Variants in IGF2BP1 observed in about 807,000 individuals in gnomAD.
The protein encoded by IGF2BP1 is insulin like growth factor 2 mRNA binding protein 1.
A neutral mutation model predicts 74.9 loss-of-function variants in IGF2BP1; 11 were observed. That is an observed-to-expected ratio of 0.15 (90% CI 0.09 to 0.24). The LOEUF (loss-of-function observed/expected upper bound fraction) is 0.24. IGF2BP1 is among the 10% of genes least tolerant of loss of function. The probability of loss-of-function intolerance (pLI) is 1.00; values close to 1 mark genes in which losing one functional copy is unlikely to be tolerated. For synonymous variants in IGF2BP1, 287 were observed against 281.8 expected, an observed-to-expected ratio of 1.02 and a Z score of -0.18; for missense variants, 440 against 757.4, an observed-to-expected ratio of 0.58 and a Z score of 4.92.
intron 5 of IGF2BP1, chr17:49,036,233 C>G (rs1391937698): frequency 6.6e-6 from 1 of 152,202 alleles, no homozygotes; most frequent in African/African-American, 2.4e-5. Flanking sequence ...TATTACAGCC[C>G]CGTGCTGGCG....
chr17:49,010,443 G>T (rs544506268), intron 2 of IGF2BP1, among the ~76,000 whole-genome samples: 6 of 148,782 alleles, frequency 4.0e-5, no homozygotes, highest in African/African-American at 1.2e-4. Context: ...CAGCCTCCCC[G>T]AGAAGCTGGG....
rs919581764 is a variant in IGF2BP1, at chr17:49,051,547, A to C, written c.*2103A>C. 2 of 152,230 alleles carry C rather than the reference A, an allele frequency of 1.3e-5. No homozygotes were observed. Among genetic ancestry groups the C allele is most frequent in the East Asian group, 3.8e-4 (2 of 5,200 alleles). 9.4% of individuals were successfully genotyped at this position (152,230 alleles called of 1,614,324 possible). On this transcript the variant is annotated 3_prime_UTR_variant, in exon 15 of 15. Coordinates refer to ENST00000290341, the MANE Select transcript of IGF2BP1 (RefSeq NM_006546.4). The stretch of plus-strand genomic sequence containing the variant: ...GGAGCTGGGGGCTCTCAGTGGTTAA[A>C]CAATGCCCAACAACCAACCAGCTGG...
At chr17:48,999,923 GGT>G (rs371605973) in intron 2 of IGF2BP1, among the ~76,000 whole-genome samples, 30,434 of 133,750 alleles carry the variant, frequency 0.23, 3,535 homozygotes, top group Non-Finnish European at 0.29. Flanking sequence ...GTGGATGAAT[GGT>G]GTGTGTGTGT....
chr17:49,000,803 C>T (rs1598119198), intron 2 of IGF2BP1, among the ~76,000 whole-genome samples: 1 of 151,904 alleles, frequency 6.6e-6, no homozygotes, highest in East Asian at 1.9e-4. Context: ...TTTCATGGTG[C>T]CCTGTATTTA....
intron 7 of IGF2BP1, 91 bp from the exon 8 acceptor site, chr17:49,041,287 G>A: frequency 7.0e-7 from 1 of 1,428,684 alleles, no homozygotes; most frequent in Non-Finnish European, 9.6e-7. Flanking sequence ...ACTTGGAAAT[G>A]CCAAGTCTGG....
chr17:49,034,636 G>A (rs764921902), intron 5 of IGF2BP1, among the ~76,000 whole-genome samples: 1 of 151,348 alleles, frequency 6.6e-6, no homozygotes, highest in African/African-American at 2.4e-5. Context: ...GAAGTGGGAG[G>A]ATTGCTTGAG....
chr17:48,998,515 C>T (rs1429541499), intron 1 of IGF2BP1, among the ~76,000 whole-genome samples: 1 of 152,032 alleles, frequency 6.6e-6, no homozygotes, highest in African/African-American at 2.4e-5. Context: ...GGCGCGGCGG[C>T]GGCGGCGCCG....
chr17:49,037,164 G>A (rs763863065), intron 5 of IGF2BP1: 76 of 458,956 alleles, frequency 1.7e-4, no homozygotes, highest in South Asian at 1.1e-3. Context: ...TGAAAAAGAT[G>A]TTTGGATCCC....
chr17:49,000,438 G>C (rs984597048), intron 2 of IGF2BP1, among the ~76,000 whole-genome samples: 2 of 152,306 alleles, frequency 1.3e-5, no homozygotes, highest in South Asian at 2.1e-4. Context: ...TATAGAGCTT[G>C]CGATTTAACT....
chr17:49,025,311 AAAGTGTGTGTGTGT>A lies in IGF2BP1; in HGVS notation c.237-306_237-293del, dbSNP rs1347451471. On this transcript the variant is annotated intron_variant, in intron 2 of 14. Transcript: ENST00000290341. ...GGAATGAGAAAGTGGTGGGACAAAC[AAAGTGTGTGTGTGT>A]GTGTGTGTGTGTGTGTGTGTGTGTG... is the stretch of plus-strand genomic sequence containing the variant. Among the ~76,000 whole-genome samples the A allele has an allele frequency of 2.4e-3, 264 of 108,818 alleles. 1 individual carries two copies. Among genetic ancestry groups the A allele is most frequent in the African/African-American group, 7.9e-3 (253 of 31,876 alleles). The allele number at this position is 108,818 out of a possible 152,430, so 71.4% of individuals were successfully genotyped here.
intron 2 of IGF2BP1, chr17:49,012,351 CTTACGTG>C (rs1329517090): frequency 6.6e-6 from 1 of 152,212 alleles, no homozygotes; most frequent in African/African-American, 2.4e-5. Flanking sequence ...GGGGTTAGAA[CTTACGTG>C]TCAGCCTCAG....
At chr17:49,000,414 C>T (rs2041474793) in intron 2 of IGF2BP1, among the ~76,000 whole-genome samples, 1 of 152,074 alleles carries the variant, frequency 6.6e-6, no homozygotes, top group Non-Finnish European at 1.5e-5. Context: ...ATCAATATGG[C>T]TTGTTACTAT....
At chr17:49,011,904 ATTTTTT>A (rs68074534) in intron 2 of IGF2BP1, among the ~76,000 whole-genome samples, 1 of 124,634 alleles carries the variant, frequency 8.0e-6, no homozygotes, top group Non-Finnish European at 1.6e-5. Flanking sequence ...AAGAAAATTG[ATTTTTT>A]TTTTTTTTTT....
chr17:49,014,887 C>G (rs979614412), intron 2 of IGF2BP1: 5 of 985,332 alleles, frequency 5.1e-6, no homozygotes, highest in Non-Finnish European at 6.0e-6. Context: ...GGTTTCCTCT[C>G]CTGGCTCCTG....
intron 5 of IGF2BP1, chr17:49,037,463 C>CT (rs1159527646): frequency 1.4e-5 from 4 of 285,824 alleles, no homozygotes; most frequent in Non-Finnish European, 2.1e-5. Flanking sequence ...TTCAGGAACT[C>CT]TAATATTCAT....
intron 2 of IGF2BP1, chr17:49,012,296 AT>A (rs1254957357): frequency 6.6e-6 from 1 of 152,238 alleles, no homozygotes; most frequent in Non-Finnish European, 1.5e-5. Flanking sequence ...GAATGAAATA[AT>A]ACACTTGAGA....
At chr17:49,001,292 T>C (rs2041485255) in intron 2 of IGF2BP1, among the ~76,000 whole-genome samples, 1 of 152,188 alleles carries the variant, frequency 6.6e-6, no homozygotes, top group Admixed American at 6.5e-5. Context: ...TAGTTAATTA[T>C]GACTAATATA....
chr17:49,008,861 T>C (rs190167191), intron 2 of IGF2BP1, among the ~76,000 whole-genome samples: 4 of 152,224 alleles, frequency 2.6e-5, no homozygotes, highest in Admixed American at 2.0e-4. Context: ...AGATTGGTAC[T>C]TCTGATGTAT....
Position 49,054,692 on chromosome 17 carries a change from G to A in IGF2BP1, c.*5248G>A, listed in dbSNP as rs2042204943. The A allele has an allele frequency of 6.6e-6, 1 of 152,436 alleles. No individual in the cohort carries two copies. The allele number at this position is 152,436 out of a possible 1,614,324, so 9.4% of individuals were successfully genotyped here. A position where few individuals can be genotyped will look rare whatever the true frequency, so the allele number is the denominator to read the frequency against. On this transcript the variant is annotated 3_prime_UTR_variant, in exon 15 of 15. Transcript: ENST00000290341. ...AGGGGGCTGGCTGGAGTGAGACCTGGGGCTTGGCCTGGAACCCACCACACA... is the reference window on the plus strand; with the variant it reads ...AGGGGGCTGGCTGGAGTGAGACCTGAGGCTTGGCCTGGAACCCACCACACA...
Sources: allele counts gnomAD v4.1 joint callset (sites outside exome capture counted in the v4.1 genomes callset), GRCh38; gene constraint gnomAD v4.1.1; transcripts MANE v1.5; gene names NCBI Gene and HGNC (gene_info 2026-07-23, HGNC 2026-07-21).